ZNF385C: variants seen among roughly 807,000 people sequenced by gnomAD.
ZNF385C encodes the protein CTD-2132N18.2.
In ZNF385C, 28 loss-of-function variants were observed where a neutral mutation model predicts 35.4. The observed-to-expected ratio is 0.79, with a 90% CI of 0.59 to 1.08. The LOEUF (loss-of-function observed/expected upper bound fraction) is 1.08. ZNF385C is among the 50% of genes least tolerant of loss of function. The pLI, the probability that ZNF385C is intolerant of heterozygous loss-of-function variation, is 0.00. For missense variants in ZNF385C, 605 were observed against 595.6 expected, an observed-to-expected ratio of 1.02 and a Z score of -0.16; for synonymous variants, 248 against 248.2, an observed-to-expected ratio of 1.00 and a Z score of 0.01.
At position 42,059,299 on chromosome 17, in the gene ZNF385C, G is replaced by A. The variant is rs2053426249; in HGVS notation, c.250+3508C>T. On this transcript the variant is annotated intron_variant, in intron 2 of 8. Transcript: ENST00000692273. ...TCCTCTAGACTGTGAGTGCCCAGAGGCAGGTACCAGGCACTGCTCAGTGGT... is the reference window on the plus strand; with the variant it reads ...TCCTCTAGACTGTGAGTGCCCAGAGACAGGTACCAGGCACTGCTCAGTGGT... Among the ~76,000 whole-genome samples the A allele has an allele frequency of 2.0e-5, 3 of 152,264 alleles. No homozygotes were observed. The South Asian group carries it at 6.2e-4, about 31-fold the overall frequency.
At chr17:42,071,363 A>G (rs1249637970) in intron 1 of ZNF385C, among the ~76,000 whole-genome samples, 11 of 151,914 alleles carry the variant, frequency 7.2e-5, no homozygotes, top group African/African-American at 2.7e-4. Flanking sequence ...TGGTCCAGAG[A>G]TGAAGTCACT....
chr17:42,078,998 A>G (rs941214980), intron 1 of ZNF385C, among the ~76,000 whole-genome samples: 1 of 151,978 alleles, frequency 6.6e-6, no homozygotes, highest in African/African-American at 2.4e-5. Context: ...AACAATGCCT[A>G]ATAATAACTC....
chr17:42,037,953 G>A (rs2052904096), intron 2 of ZNF385C, 68 bp from the exon 3 acceptor site: 17 of 1,544,500 alleles, frequency 1.1e-5, no homozygotes, highest in Middle Eastern at 1.7e-4. Context: ...AACAAGAGGC[G>A]GGTGGGCTTC....
chr17:42,052,269 T>A (rs1555657202), intron 2 of ZNF385C, among the ~76,000 whole-genome samples: 1 of 152,154 alleles, frequency 6.6e-6, no homozygotes, highest in African/African-American at 2.4e-5. Flanking sequence ...TCACCCTGGC[T>A]GCCACCAAGG....
intron 2 of ZNF385C, among the ~76,000 whole-genome samples, chr17:42,056,306 G>A (rs1281770308): frequency 1.3e-5 from 2 of 152,236 alleles, no homozygotes; most frequent in Admixed American, 1.3e-4. Flanking sequence ...ACAGGGCAGA[G>A]GAGTGGCCAT....
chr17:42,035,961 C>T (rs1184008074), intron 3 of ZNF385C, among the ~76,000 whole-genome samples: 3 of 151,896 alleles, frequency 2.0e-5, no homozygotes, highest in East Asian at 1.9e-4. Flanking sequence ...GGAGTAGGAT[C>T]GTTTCTTTGG....
intron 2 of ZNF385C, among the ~76,000 whole-genome samples, chr17:42,044,300 C>A (rs1339031138): frequency 1.8e-5 from 2 of 111,284 alleles, no homozygotes; most frequent in African/African-American, 3.3e-5. Context: ...AGAGCTAGAC[C>A]CTGTCTCAAA....
At chr17:42,088,803 C>G (rs1347875832) in intron 1 of ZNF385C, among the ~76,000 whole-genome samples, 1 of 152,098 alleles carries the variant, frequency 6.6e-6, no homozygotes, top group Non-Finnish European at 1.5e-5. Context: ...CGGTGGGATC[C>G]TGGGGAGTGG....
chr17:42,050,544 C>T lies in ZNF385C; in HGVS notation c.250+12263G>A, dbSNP rs1555657016. On this transcript the variant is annotated intron_variant, in intron 2 of 8. Transcript: ENST00000692273. The surrounding 1 kb of genome is among the most constrained non-coding windows in gnomAD (Gnocchi z 5.6). ...CCCGGCCTGGCGCCCCCGCCCCGTC[C>T]GCTCGCACTCACGGAGACACAGGAG... 6.6e-6 allele frequency: 1 copy of T among 152,228 alleles called. No individual in the cohort carries two copies. The highest frequency in any genetic ancestry group is 1.9e-4 in the East Asian group (1 of 5,196). The allele number at this position is 152,228 out of a possible 1,614,324, so 9.4% of individuals were successfully genotyped here.
At chr17:42,049,930 G>C (rs529496704) in intron 2 of ZNF385C, among the ~76,000 whole-genome samples, 4 of 152,286 alleles carry the variant, frequency 2.6e-5, no homozygotes, top group Non-Finnish European at 5.9e-5. Context: ...AGTGGCTATT[G>C]CATTGGACAG....
In ZNF385C at chr17:42,041,792, A is replaced by G. The variant is rs55928869; in HGVS notation, c.251-3907T>C. On this transcript the variant is annotated intron_variant, in intron 2 of 8. Transcript: ENST00000692273. ...CTCCCCCACCTCCAACCCAGCCCATAGGACTTACACAGTTAGTACCTAGGA... is the reference window on the plus strand; with the variant it reads ...CTCCCCCACCTCCAACCCAGCCCATGGGACTTACACAGTTAGTACCTAGGA... 8.0e-3 allele frequency among the ~76,000 whole-genome samples: 1,218 copies of G among 152,206 alleles called. 16 individuals carry two copies. The highest frequency in any genetic ancestry group is 0.027 in the African/African-American group (1,135 of 41,528).
At chr17:42,071,985 C>T (rs1555658851) in intron 1 of ZNF385C, among the ~76,000 whole-genome samples, 1 of 152,120 alleles carries the variant, frequency 6.6e-6, no homozygotes, top group East Asian at 2.0e-4. Flanking sequence ...CCCCCCCATG[C>T]CCCTTGCTGA....
chr17:42,070,575 G>A (rs548838090), intron 1 of ZNF385C, among the ~76,000 whole-genome samples: 19 of 152,136 alleles, frequency 1.2e-4, no homozygotes, highest in Non-Finnish European at 2.5e-4. Context: ...TGAATCCTCA[G>A]AACAATCCTG....
At chr17:42,094,138 C>T (rs575137350) in intron 1 of ZNF385C, among the ~76,000 whole-genome samples, 145 of 152,252 alleles carry the variant, frequency 9.5e-4, no homozygotes, top group African/African-American at 3.2e-3. Context: ...CATGCGCCAC[C>T]GCGCCCAGCT....
intron 8 of ZNF385C, 106 bp from the exon 9 acceptor site, chr17:42,027,239 A>C (rs1340233147): frequency 4.8e-6 from 5 of 1,031,968 alleles, no homozygotes; most frequent in Non-Finnish European, 5.8e-6. Flanking sequence ...CGTGCCTTTT[A>C]GAGTTCCAAA....
chr17:42,096,951 G>T (rs1199307193), intron 1 of ZNF385C, among the ~76,000 whole-genome samples: 1 of 147,768 alleles, frequency 6.8e-6, no homozygotes, highest in Non-Finnish European at 1.5e-5. Context: ...GCAGTGAAGG[G>T]CACTCTTTCT....
intron 3 of ZNF385C, among the ~76,000 whole-genome samples, chr17:42,035,698 C>T (rs2052840212): frequency 6.6e-6 from 1 of 151,650 alleles, no homozygotes; most frequent in Non-Finnish European, 1.5e-5. Context: ...ATTACAGGCG[C>T]CCACCACTAC....
At position 42,079,581 on chromosome 17, in the gene ZNF385C, A is replaced by G. The variant is rs1353242803; in HGVS notation, c.-2-16523T>C. Among the ~76,000 whole-genome samples the G allele has an allele frequency of 5.3e-5, 8 of 151,564 alleles. 1 individual carries two copies. Among genetic ancestry groups the G allele is most frequent in the Admixed American group, 4.6e-4 (7 of 15,140 alleles). On this transcript the variant is annotated intron_variant, in intron 1 of 8. Transcript: ENST00000692273. Reference sequence around the variant, plus strand: ...CTCAGGAGGCTGGGACAGGAGGATCATTTGGGCCCAGGAGTTGAAGACCAC... The same window carrying G: ...CTCAGGAGGCTGGGACAGGAGGATCGTTTGGGCCCAGGAGTTGAAGACCAC...
chr17:42,062,619 G>A (rs572310302), intron 2 of ZNF385C, 188 bp downstream of exon 2: 3 of 400,582 alleles, frequency 7.5e-6, no homozygotes, highest in South Asian at 1.3e-4. Context: ...CCTACAGAAG[G>A]GTTGTCCAGA....
Sources: gnomAD v4.1 joint callset for allele counts (sites outside exome capture counted in the v4.1 genomes callset) on GRCh38, gnomAD v4.1.1 for gene constraint, Gnocchi (gnomAD v3.1) non-coding constraint, MANE v1.5 for transcripts, NCBI Gene and HGNC (gene_info 2026-07-23, HGNC 2026-07-21) for gene names.